The following ARHGAP21 variants were observed in gnomAD, a reference collection of about 807,000 sequenced individuals.
The protein encoded by ARHGAP21 is rho GTPase-activating protein 21.
Under a neutral mutation model 164.6 loss-of-function variants are expected in ARHGAP21, and 38 were observed. The observed-to-expected ratio is 0.23, with a 90% CI of 0.18 to 0.30. The LOEUF is 0.30. ARHGAP21 is among the 10% of genes least tolerant of loss of function. The pLI is 1.00. For synonymous variants in ARHGAP21, 766 were observed against 857.9 expected, an observed-to-expected ratio of 0.89 and a Z score of 1.87; for missense variants, 1,822 against 2,370.7, an observed-to-expected ratio of 0.77 and a Z score of 4.81.
chr10:24,622,917 G>A, intron 7 of ARHGAP21, 155 bp from the exon 8 acceptor site: 1 of 614,618 alleles, frequency 1.6e-6, no homozygotes, highest in Non-Finnish European at 2.8e-6. Context: ...GAAGCATAAA[G>A]AATAACTCCA....
At chr10:24,711,328 A>G (rs768687382) in intron 2 of ARHGAP21, among the ~76,000 whole-genome samples, 2 of 151,948 alleles carry the variant, frequency 1.3e-5, no homozygotes, top group Non-Finnish European at 2.9e-5. Flanking sequence ...AAAAGTTCCC[A>G]GGGGAACCAC....
Position 24,585,769 on chromosome 10 carries a change from T to C in ARHGAP21, c.4520A>G (p.His1507Arg). The change falls in exon 26 of 26, where the codon CAC (histidine) becomes CGC (arginine). Residue 1507 changes from histidine (H) to arginine (R), a missense_variant. By Grantham distance (29) the His-to-Arg change is conservative. This residue lies in a region of ARHGAP21 where 333 missense variants were observed against 383.9 expected (regional missense o/e 0.87). Transcript: ENST00000396432. ...STPSEEPSPP[H>R]NSKHNKSPTL... ...TGGTGACTTGTTGTGTTTTGAGTTG[T>C]GTGGTGGTGAGGGTTCTTCAGAAGG... is the stretch of plus-strand genomic sequence containing the variant. The C allele has an allele frequency of 1.2e-6, 2 of 1,613,958 alleles. No homozygotes were observed. Among genetic ancestry groups the C allele is most frequent in the East Asian group, 2.2e-5 (1 of 44,874 alleles).
chr10:24,654,270 T>C (rs1838546162), intron 4 of ARHGAP21, among the ~76,000 whole-genome samples: 1 of 152,192 alleles, frequency 6.6e-6, no homozygotes, highest in Non-Finnish European at 1.5e-5. Context: ...TTGGACGTTC[T>C]GGCCAGGGCA....
rs1382601526 is a variant in ARHGAP21, at chr10:24,589,282, T to C, written c.4171A>G (p.Thr1391Ala). 9.3e-6 allele frequency: 15 copies of C among 1,608,744 alleles called. No homozygotes were observed. Among genetic ancestry groups the C allele is most frequent in the East Asian group, 2.2e-5 (1 of 44,800 alleles). Residue 1391 changes from threonine to alanine, a missense_variant, in exon 25 of 26, where the codon ACA (threonine) becomes GCA (alanine). Transcript: ENST00000396432. ...ATGAAACAATTTACCTTAGATTTTG[T>C]TGAGTCACTAGTAGCTGAATCTGTG... is the stretch of plus-strand genomic sequence containing the variant. ...DVSDSATSDS[T>A]KSKGSWGSGK...
At chr10:24,689,524 G>A (rs976342080) in intron 2 of ARHGAP21, among the ~76,000 whole-genome samples, 3 of 152,078 alleles carry the variant, frequency 2.0e-5, no homozygotes, top group African/African-American at 4.8e-5. Flanking sequence ...CGGATCGCCA[G>A]AGCCCAGGAA....
chr10:24,689,958 G>A (rs1842614188), intron 2 of ARHGAP21, among the ~76,000 whole-genome samples: 1 of 149,554 alleles, frequency 6.7e-6, no homozygotes. Context: ...GTGTGTGTGT[G>A]TGTGTGTATA....
intron 4 of ARHGAP21, among the ~76,000 whole-genome samples, chr10:24,646,332 G>A (rs1463713982): frequency 6.7e-6 from 1 of 150,284 alleles, no homozygotes; most frequent in Non-Finnish European, 1.5e-5. Flanking sequence ...TGGAGCAGCT[G>A]AAAAAAAAAC....
chr10:24,590,857 AC>A, intron 24 of ARHGAP21: 1 of 646,684 alleles, frequency 1.5e-6, no homozygotes. Flanking sequence ...CCCAGATCAT[AC>A]TTTCTGCCAT....
At chr10:24,597,158 T>C (rs926772743) in intron 16 of ARHGAP21, among the ~76,000 whole-genome samples, 4 of 151,702 alleles carry the variant, frequency 2.6e-5, no homozygotes, top group Non-Finnish European at 4.4e-5. Flanking sequence ...GGAAAAGTAA[T>C]AGTTTTATTT....
chr10:24,654,784 G>T (rs1317448639), intron 4 of ARHGAP21, among the ~76,000 whole-genome samples: 2 of 152,112 alleles, frequency 1.3e-5, no homozygotes, highest in African/African-American at 4.8e-5. Context: ...AAATTCATAT[G>T]GAACCAAAAA....
At chr10:24,612,450 C>T (rs192865464) in intron 9 of ARHGAP21, among the ~76,000 whole-genome samples, 1 of 152,284 alleles carries the variant, frequency 6.6e-6, no homozygotes, top group African/African-American at 2.4e-5. Context: ...TGTTTCTGTT[C>T]CAACTCCTAC....
chr10:24,602,281 AT>A (rs2076845578), intron 12 of ARHGAP21, among the ~76,000 whole-genome samples, 178 bp from the exon 13 acceptor site: 1 of 152,142 alleles, frequency 6.6e-6, no homozygotes, highest in South Asian at 2.1e-4. Context: ...GTGAATTATC[AT>A]TTTTTAACCA....
intron 9 of ARHGAP21, among the ~76,000 whole-genome samples, chr10:24,615,888 C>T (rs1833897835): frequency 6.6e-6 from 1 of 152,128 alleles, no homozygotes; most frequent in Non-Finnish European, 1.5e-5. Context: ...AATTCTCCTG[C>T]CTCCGCCTCC....
intron 2 of ARHGAP21, among the ~76,000 whole-genome samples, chr10:24,710,547 A>G (rs1022699732): frequency 1.3e-5 from 2 of 151,958 alleles, no homozygotes; most frequent in African/African-American, 4.8e-5. Flanking sequence ...CCCATTGCCC[A>G]TGTATACCCA....
Position 24,609,662 on chromosome 10 carries a change from C to T in ARHGAP21, c.2423-1759G>A, listed in dbSNP as rs138189574. 3.1e-3 allele frequency among the ~76,000 whole-genome samples: 465 copies of T among 152,196 alleles called. 5 individuals carry two copies. In the East Asian group the frequency reaches 0.038, roughly 12 times the overall value. On this transcript the variant is annotated intron_variant, in intron 9 of 25. Transcript: ENST00000396432. ...TTTGAAAATATAAAGACTTTTCTAC[C>T]GGTTTAAAAATACTGTGTTCGTTAG...
intron 4 of ARHGAP21, among the ~76,000 whole-genome samples, chr10:24,666,756 C>T (rs1449753821): frequency 6.6e-6 from 1 of 152,140 alleles, no homozygotes; most frequent in Non-Finnish European, 1.5e-5. Context: ...CACAAAAACA[C>T]ATACAATTAA....
At chr10:24,659,938 T>C (rs977525536) in intron 4 of ARHGAP21, among the ~76,000 whole-genome samples, 1 of 152,160 alleles carries the variant, frequency 6.6e-6, no homozygotes, top group African/African-American at 2.4e-5. Flanking sequence ...GCGGTGATAA[T>C]AACACCCACC....
intron 2 of ARHGAP21, among the ~76,000 whole-genome samples, chr10:24,684,981 T>C (rs1017226583): frequency 3.3e-5 from 5 of 152,204 alleles, no homozygotes; most frequent in African/African-American, 1.2e-4. Flanking sequence ...CGGACTGCTA[T>C]AATCATTTAA....
intron 4 of ARHGAP21, among the ~76,000 whole-genome samples, chr10:24,653,551 C>T (rs559959481): frequency 1.0e-3 from 150 of 149,630 alleles, no homozygotes; most frequent in African/African-American, 3.6e-3. Flanking sequence ...CCAGCCTGGG[C>T]GACAGAGAGA....
Sources: allele counts gnomAD v4.1 joint callset (sites outside exome capture counted in the v4.1 genomes callset), GRCh38; gene constraint gnomAD v4.1.1; regional missense constraint gnomAD v4.1.1; transcripts MANE v1.5; gene names NCBI Gene and HGNC (gene_info 2026-07-23, HGNC 2026-07-21).